The following KCTD3 variants were observed in gnomAD, a reference collection of about 807,000 sequenced individuals.
The protein encoded by KCTD3 is BTB/POZ domain-containing protein KCTD3.
Under a neutral mutation model 85.8 loss-of-function variants are expected in KCTD3, and 41 were observed. The ratio of observed to expected loss-of-function variants is 0.48; its 90% CI spans 0.37 to 0.62. The LOEUF is 0.62. KCTD3 is among the 20% of genes least tolerant of loss of function. The pLI is 0.00. For missense variants in KCTD3, 724 were observed against 989.9 expected, an observed-to-expected ratio of 0.73 and a Z score of 3.60; for synonymous variants, 338 against 345.4, an observed-to-expected ratio of 0.98 and a Z score of 0.24.
chr1:215,599,219 T>C (rs975070700), intron 10 of KCTD3, among the ~76,000 whole-genome samples: 1 of 152,054 alleles, frequency 6.6e-6, no homozygotes, highest in Admixed American at 6.5e-5. Flanking sequence ...AAAGGACTAC[T>C]AAAGAAAAAT....
At chr1:215,571,393 T>C (rs1348590104) in intron 1 of KCTD3, among the ~76,000 whole-genome samples, 1 of 152,196 alleles carries the variant, frequency 6.6e-6, no homozygotes, top group Non-Finnish European at 1.5e-5. Context: ...AAGTGACTCA[T>C]TTGTTAATCA....
intron 13 of KCTD3, among the ~76,000 whole-genome samples, chr1:215,605,632 A>T (rs1037955244): frequency 2.0e-5 from 3 of 152,114 alleles, no homozygotes; most frequent in African/African-American, 7.2e-5. Flanking sequence ...TTTAATAGGC[A>T]TCTCAAATTT....
At chr1:215,611,047 G>T (rs1227212672) in intron 14 of KCTD3, among the ~76,000 whole-genome samples, 1 of 151,806 alleles carries the variant, frequency 6.6e-6, no homozygotes, top group African/African-American at 2.4e-5. Context: ...GCTACTAAGT[G>T]TAATGGGAAA....
chr1:215,618,853 C>G (rs1399182197), intron 15 of KCTD3, 33 bp from the exon 16 acceptor site: 1 of 1,480,218 alleles, frequency 6.8e-7, no homozygotes. Flanking sequence ...ATTGCTCATT[C>G]CCATCAGGGC....
At chr1:215,615,409 A>G (rs1470165505) in intron 15 of KCTD3, among the ~76,000 whole-genome samples, 1 of 151,994 alleles carries the variant, frequency 6.6e-6, no homozygotes, top group Non-Finnish European at 1.5e-5. Context: ...TCACAAGGTC[A>G]GGAGATTGAG....
At chr1:215,604,591 AG>A (rs1269919469) in intron 13 of KCTD3, among the ~76,000 whole-genome samples, 2 of 151,934 alleles carry the variant, frequency 1.3e-5, no homozygotes, top group African/African-American at 4.8e-5. Flanking sequence ...ACCAAAAAAG[AG>A]GAAAACAAAA....
chr1:215,589,916 C>A (rs572360039), intron 9 of KCTD3, among the ~76,000 whole-genome samples: 3 of 152,250 alleles, frequency 2.0e-5, no homozygotes, highest in African/African-American at 7.2e-5. Flanking sequence ...AAGTAGAAGT[C>A]TTTCTGTGGA....
At chr1:215,577,614 A>G (rs949385618) in intron 4 of KCTD3, 56 bp from the exon 5 acceptor site, 13 of 1,134,416 alleles carry the variant, frequency 1.1e-5, no homozygotes, top group Non-Finnish European at 1.6e-5. Context: ...CTTTCATGTC[A>G]GATGATAATA....
At chr1:215,574,917 A>G (rs773247939) in intron 3 of KCTD3, among the ~76,000 whole-genome samples, 120 of 152,290 alleles carry the variant, frequency 7.9e-4, no homozygotes, top group Admixed American at 1.2e-3. Context: ...ATCTTTTGTA[A>G]ATGATTCAAA....
At chr1:215,578,231 T>C in intron 6 of KCTD3, 150 bp downstream of exon 6, 1 of 690,952 alleles carries the variant, frequency 1.4e-6, no homozygotes, top group Non-Finnish European at 2.3e-6. Context: ...TTATAGAAAT[T>C]AAGTCACATT....
In KCTD3 at chr1:215,577,691, C is replaced by G; in HGVS notation, c.279C>G (p.Leu93=). ...GTAGGGGAGTGAGTATTAATGTTCT[C>G]AGGCATGAAGCAGAATTTTACGGGA... is the stretch of plus-strand genomic sequence containing the variant. The part of the protein sequence containing the change: ...LDLRGVSINV[L]RHEAEFYGIT... The change falls in exon 5 of 18, where the codon CTC becomes CTG. Residue 93 remains leucine (L), a synonymous_variant. Transcript: ENST00000259154. The G allele has an allele frequency of 1.3e-6, 2 of 1,599,180 alleles. No individual in the cohort carries two copies. Among genetic ancestry groups the G allele is most frequent in the Non-Finnish European group, 1.7e-6 (2 of 1,166,638 alleles).
At chr1:215,580,660 A>G (rs1427695519) in intron 8 of KCTD3, among the ~76,000 whole-genome samples, 2 of 152,038 alleles carry the variant, frequency 1.3e-5, no homozygotes, top group East Asian at 1.9e-4. Flanking sequence ...ATGGTGTAGA[A>G]GCACAAAAGT....
intron 14 of KCTD3, among the ~76,000 whole-genome samples, chr1:215,609,283 TTGGAACATTCC>T (rs1443127877): frequency 6.6e-6 from 1 of 151,912 alleles, no homozygotes; most frequent in Non-Finnish European, 1.5e-5. Flanking sequence ...GGTTCTAAGG[TTGGAACATTCC>T]TGGCAGAGAA....
intron 6 of KCTD3, 40 bp downstream of exon 6, chr1:215,578,121 A>G: frequency 6.4e-7 from 1 of 1,553,962 alleles, no homozygotes; most frequent in Non-Finnish European, 8.8e-7. Flanking sequence ...AATTCCTTGT[A>G]TCATTAAGCA....
chr1:215,583,170 G>A (rs1659888297), intron 8 of KCTD3, among the ~76,000 whole-genome samples: 1 of 151,882 alleles, frequency 6.6e-6, no homozygotes, highest in African/African-American at 2.4e-5. Context: ...AGGAATAAAA[G>A]AATGGCTACT....
At chr1:215,574,904 C>T (rs1659514957) in intron 3 of KCTD3, among the ~76,000 whole-genome samples, 1 of 152,028 alleles carries the variant, frequency 6.6e-6, no homozygotes, top group Non-Finnish European at 1.5e-5. Context: ...TTTTTATGGC[C>T]AGATCTTTTG....
chr1:215,579,906 C>T lies in KCTD3; in HGVS notation c.536-3C>T. 14 of 1,608,152 alleles carry T rather than the reference C, an allele frequency of 8.7e-6. No individual in the cohort carries two copies. The highest frequency in any genetic ancestry group is 1.2e-5 in the Non-Finnish European group (14 of 1,174,972). ...AAAATATTTCTTTTTCCAAAATCAA[C>T]AGGATTTCCTGTGGATCCACGAAAG... On this transcript the variant is annotated splice_region_variant and splice_polypyrimidine_tract_variant and intron_variant, in intron 7 of 17. Transcript: ENST00000259154.
intron 7 of KCTD3, 26 bp from the exon 8 acceptor site, chr1:215,579,883 A>G (rs1659748555): frequency 6.4e-7 from 1 of 1,553,636 alleles, no homozygotes; most frequent in Admixed American, 1.7e-5. Flanking sequence ...TAGAATGTAA[A>G]ATATTTCTTT....
At chr1:215,595,660 A>G (rs1179233236) in intron 10 of KCTD3, among the ~76,000 whole-genome samples, 189 bp downstream of exon 10, 1 of 152,140 alleles carries the variant, frequency 6.6e-6, no homozygotes, top group Non-Finnish European at 1.5e-5. Context: ...TTACTTTGGA[A>G]AATAAGTGAG....
Sources: gnomAD v4.1 joint callset for allele counts (sites outside exome capture counted in the v4.1 genomes callset) on GRCh38, gnomAD v4.1.1 for gene constraint, MANE v1.5 for transcripts, NCBI Gene and HGNC (gene_info 2026-07-23, HGNC 2026-07-21) for gene names.